SLC47A1: variants seen among roughly 807,000 people sequenced by gnomAD.
SLC47A1 encodes the protein solute carrier family 47 member 1, also known as multidrug and toxin extrusion protein 1.
SLC47A1 carries 58 observed loss-of-function variants against 65.8 expected under a neutral mutation model. That is an observed-to-expected ratio of 0.88 (90% CI 0.71 to 1.10). The LOEUF (loss-of-function observed/expected upper bound fraction) is 1.10, where lower values mean the gene tolerates loss of function less well. Ranked by LOEUF, SLC47A1 falls within the 50% of genes least tolerant of loss-of-function variation. SLC47A1 has a pLI of 0.00. For missense variants in SLC47A1, 706 were observed against 719.2 expected, an observed-to-expected ratio of 0.98 and a Z score of 0.21; for synonymous variants, 285 against 295.0, an observed-to-expected ratio of 0.97 and a Z score of 0.35.
intron 15 of SLC47A1, 90 bp from the exon 16 acceptor site, chr17:19,572,690 A>G: frequency 2.5e-6 from 3 of 1,201,574 alleles, no homozygotes; most frequent in South Asian, 1.2e-5. Flanking sequence ...AATTAAGGAA[A>G]ATGGCTTGGC....
chr17:19,549,694 TAAGA>T lies in SLC47A1; in HGVS notation c.498+18_498+21del, dbSNP rs1192949765. 17 of 1,613,966 alleles carry T rather than the reference TAAGA, an allele frequency of 1.1e-5. No individual in the cohort carries two copies. Among genetic ancestry groups the T allele is most frequent in the Non-Finnish European group, 1.4e-5 (16 of 1,179,900 alleles). ...GCTCTTCCTGTAAGTGCTCAAGGGC[TAAGA>T]GATTCCCTTCTTGGGGTCCGTGGGT... is the stretch of plus-strand genomic sequence containing the variant. On this transcript the variant is annotated intron_variant, in intron 5 of 16. Transcript: ENST00000270570.
rs147768037 is a variant in SLC47A1, at chr17:19,567,189, G to A, written c.1270G>A (p.Gly424Arg). ...GTACTATGTGGTTGGCCTCCCCATC[G>A]GGATCGCGCTGATGTTTGCAACCAC... ...IGYYVVGLPI[G>R]IALMFATTLG... Residue 424 changes from glycine to arginine, a missense_variant, in exon 14 of 17, where the codon GGG becomes AGG. By Grantham distance (125) the Gly-to-Arg change is moderately radical (BLOSUM62 -2). Coordinates refer to ENST00000270570, the MANE Select transcript of SLC47A1 (RefSeq NM_018242.3). The A allele has an allele frequency of 6.9e-4, 1,111 of 1,614,050 alleles. 1 individual carries two copies. Among genetic ancestry groups the A allele is most frequent in the Non-Finnish European group, 8.1e-4 (960 of 1,180,034 alleles).
At chr17:19,576,315 C>T (rs1567579898) in intron 16 of SLC47A1, among the ~76,000 whole-genome samples, 1 of 147,602 alleles carries the variant, frequency 6.8e-6, no homozygotes, top group Non-Finnish European at 1.5e-5. Context: ...CATCTTTCTC[C>T]CATTCTGTGA....
At chr17:19,568,613 T>C (rs2084377323) in intron 14 of SLC47A1, among the ~76,000 whole-genome samples, 1 of 152,228 alleles carries the variant, frequency 6.6e-6, no homozygotes, top group Non-Finnish European at 1.5e-5. Context: ...AAATGTGGAA[T>C]GATTAAATTA....
chr17:19,555,372 G>T, intron 7 of SLC47A1, 63 bp downstream of exon 7: 2 of 1,541,822 alleles, frequency 1.3e-6, no homozygotes, highest in South Asian at 1.1e-5. Context: ...TTTCCAGGAG[G>T]GAGAAGAGTG....
Position 19,556,135 on chromosome 17 carries a change from G to A in SLC47A1, c.921+73G>A, listed in dbSNP as rs1450795926. 2.6e-6 allele frequency: 4 copies of A among 1,511,656 alleles called. No homozygotes were observed. The African/African-American group carries it at 4.1e-5, about 16-fold the overall frequency. 93.6% of individuals were successfully genotyped at this position (1,511,656 alleles called of 1,614,324 possible). A position where few individuals can be genotyped will look rare whatever the true frequency, so the allele number is the denominator to read the frequency against. ...TTGGTATCTGAAAGAGTCTATGGAT[G>A]AGCACAGGCATTCGTACATGAATCA... On this transcript the variant is annotated intron_variant, in intron 10 of 16. Coordinates refer to ENST00000270570, the MANE Select transcript of SLC47A1 (RefSeq NM_018242.3).
At chr17:19,549,611 T>C (rs1916389616) in intron 4 of SLC47A1, 24 bp from the exon 5 acceptor site, 1 of 1,613,216 alleles carries the variant, frequency 6.2e-7, no homozygotes. Flanking sequence ...CAGTTTTTGT[T>C]TTCTTTTTCT....
chr17:19,547,912 T>C lies in SLC47A1; in HGVS notation c.307-73T>C, dbSNP rs1421095707. Reference sequence around the variant, plus strand: ...CAACCTGCTTCTTTGTGTGGCACAATTGAAGGCTTTTAGGGGACAGCTGGT... The same window carrying C: ...CAACCTGCTTCTTTGTGTGGCACAACTGAAGGCTTTTAGGGGACAGCTGGT... On this transcript the variant is annotated intron_variant, in intron 3 of 16. Coordinates refer to ENST00000270570, the MANE Select transcript of SLC47A1 (RefSeq NM_018242.3). The C allele has an allele frequency of 1.6e-5, 24 of 1,470,924 alleles. 1 individual carries two copies. Among genetic ancestry groups the C allele is most frequent in the Middle Eastern group, 1.8e-4 (1 of 5,468 alleles). The allele number at this position is 1,470,924 out of a possible 1,614,324, so 91.1% of individuals were successfully genotyped here. A position where few individuals can be genotyped will look rare whatever the true frequency, so the allele number is the denominator to read the frequency against.
rs756324015 is a variant in SLC47A1, at chr17:19,556,072, G to A, written c.921+10G>A. The A allele has an allele frequency of 4.3e-6, 7 of 1,613,414 alleles. No homozygotes were observed. The highest frequency in any genetic ancestry group is 5.9e-6 in the Non-Finnish European group (7 of 1,180,012). Reference sequence around the variant, plus strand: ...CATCATTGTGTACATGGTAAGCAGGGGAGCCGATCATGGGGAGGTGCCAGG... The same window carrying A: ...CATCATTGTGTACATGGTAAGCAGGAGAGCCGATCATGGGGAGGTGCCAGG... On this transcript the variant is annotated intron_variant, in intron 10 of 16. Transcript: ENST00000270570.
Position 19,553,513 on chromosome 17 carries a change from C to T in SLC47A1, c.544-1699C>T, listed in dbSNP as rs1426463450. ...ATAGCTTCTGCCTCCTCCCAATCCT[C>T]CATGCCACCACCTGAATTCATTTCT... On this transcript the variant is annotated intron_variant, in intron 6 of 16. Coordinates refer to ENST00000270570, the MANE Select transcript of SLC47A1 (RefSeq NM_018242.3). Among the ~76,000 whole-genome samples, 3 of 151,450 alleles carry T rather than the reference C, an allele frequency of 2.0e-5. No homozygotes were observed. The East Asian group carries it at 5.9e-4, about 30-fold the overall frequency.
chr17:19,555,536 T>C, intron 7 of SLC47A1, 57 bp from the exon 8 acceptor site: 1 of 1,539,500 alleles, frequency 6.5e-7, no homozygotes, highest in South Asian at 1.1e-5. Context: ...CCTCACTGAG[T>C]TGGGCAGGGA....
intron 2 of SLC47A1, among the ~76,000 whole-genome samples, chr17:19,542,970 T>G (rs1461357749): frequency 6.6e-6 from 1 of 151,808 alleles, no homozygotes; most frequent in African/African-American, 2.4e-5. Flanking sequence ...ATTTGTATTT[T>G]TAGTAGAGAT....
intron 10 of SLC47A1, among the ~76,000 whole-genome samples, chr17:19,558,963 G>A (rs1015348643): frequency 7.2e-5 from 11 of 152,068 alleles, no homozygotes; most frequent in African/African-American, 2.7e-4. Flanking sequence ...CTGATCCTAA[G>A]GCAATGTTCA....
At chr17:19,563,714 C>A (rs1002048824) in intron 12 of SLC47A1, among the ~76,000 whole-genome samples, 1 of 152,102 alleles carries the variant, frequency 6.6e-6, no homozygotes, top group Admixed American at 6.5e-5. Context: ...ATAGGCTGGG[C>A]GCGGTGGCTC....
intron 6 of SLC47A1, among the ~76,000 whole-genome samples, chr17:19,553,286 A>G (rs1171792890): frequency 6.6e-6 from 1 of 152,126 alleles, no homozygotes; most frequent in African/African-American, 2.4e-5. Flanking sequence ...TCCACTGGAC[A>G]TGGAGACGCA....
chr17:19,550,027 G>T (rs1051361887), intron 5 of SLC47A1, among the ~76,000 whole-genome samples: 4 of 152,128 alleles, frequency 2.6e-5, no homozygotes. Context: ...TTTTTGGTCT[G>T]CTGCGTTTGA....
At chr17:19,540,017 C>T (rs1285587655) in intron 1 of SLC47A1, among the ~76,000 whole-genome samples, 1 of 152,096 alleles carries the variant, frequency 6.6e-6, no homozygotes, top group Non-Finnish European at 1.5e-5. Flanking sequence ...TTGCCGTAAC[C>T]CTGGCAGAGC....
intron 14 of SLC47A1, among the ~76,000 whole-genome samples, chr17:19,570,237 AC>A (rs760110837): frequency 4.6e-5 from 7 of 152,242 alleles, no homozygotes; most frequent in Non-Finnish European, 8.8e-5. Context: ...AGCCACCTTA[AC>A]CCTTACATAG....
chr17:19,550,321 A>T (rs1597498877), intron 5 of SLC47A1, among the ~76,000 whole-genome samples: 1 of 149,440 alleles, frequency 6.7e-6, no homozygotes, highest in South Asian at 2.1e-4. Flanking sequence ...GGTCTTGCTA[A>T]TTTTTTTTTT....
Sources: allele counts gnomAD v4.1 joint callset (sites outside exome capture counted in the v4.1 genomes callset), GRCh38; gene constraint gnomAD v4.1.1; transcripts MANE v1.5; gene names NCBI Gene and HGNC (gene_info 2026-07-23, HGNC 2026-07-21).